PPP4R1: variants seen among roughly 807,000 people sequenced by gnomAD.
PPP4R1 encodes serine/threonine-protein phosphatase 4 regulatory subunit 1.
A neutral mutation model predicts 111.2 loss-of-function variants in PPP4R1; 42 were observed. The ratio of observed to expected loss-of-function variants is 0.38; its 90% CI spans 0.29 to 0.49. The LOEUF is 0.49. PPP4R1 is among the 20% of genes least tolerant of loss of function. The pLI, the probability that PPP4R1 is intolerant of heterozygous loss-of-function variation, is 0.97. For missense variants in PPP4R1, 1,012 were observed against 1,161.6 expected (o/e 0.87, Z 1.87); for synonymous variants, 409 against 405.5 (o/e 1.01, Z -0.10).
chr18:9,555,509 A>G (rs2066558331), intron 15 of PPP4R1, among the ~76,000 whole-genome samples: 1 of 152,204 alleles, frequency 6.6e-6, no homozygotes, highest in Admixed American at 6.5e-5. Context: ...CACAAAAGGT[A>G]AAAGGTCATT....
chr18:9,573,095 T>C (rs1445395960), intron 10 of PPP4R1, among the ~76,000 whole-genome samples: 3 of 152,230 alleles, frequency 2.0e-5, no homozygotes, highest in Non-Finnish European at 4.4e-5. Flanking sequence ...AGTGCTGTTA[T>C]GCAAAATAAA....
At chr18:9,569,808 AGGCAC>A (rs2066829977) in intron 11 of PPP4R1, among the ~76,000 whole-genome samples, 1 of 152,088 alleles carries the variant, frequency 6.6e-6, no homozygotes, top group African/African-American at 2.4e-5. Flanking sequence ...ATTTGAACTT[AGGCAC>A]AATTACAGCT....
rs1568099354 is a variant in PPP4R1 at position 9,570,139 on chromosome 18, C to G, written c.1573+18G>C. ...TTTTAATCAATTTCAGAATAAATAA[C>G]TTGATTGACTTCCATACCTTTAACA... On this transcript the variant is annotated intron_variant, in intron 11 of 19. Coordinates refer to ENST00000400556, the MANE Select transcript of PPP4R1 (RefSeq NM_001042388.3). 2.7e-6 allele frequency: 4 copies of G among 1,477,860 alleles called. No individual in the cohort carries two copies. Among genetic ancestry groups the G allele is most frequent in the Non-Finnish European group, 3.6e-6 (4 of 1,113,602 alleles). 91.5% of individuals were successfully genotyped at this position (1,477,860 alleles called of 1,614,324 possible).
In PPP4R1 at chr18:9,574,697, A is replaced by G. The variant is rs144090229; in HGVS notation, c.1046+2367T>C. Among the ~76,000 whole-genome samples the G allele has an allele frequency of 3.4e-3, 520 of 152,330 alleles. 1 individual carries two copies. The highest frequency in any genetic ancestry group is 4.7e-3 in the Non-Finnish European group (323 of 68,036). ...GGAGGCTACTGGATGATAGATGCCAATATGTAGCCAAAAGGATAGGATTAA... is the reference window on the plus strand; with the variant it reads ...GGAGGCTACTGGATGATAGATGCCAGTATGTAGCCAAAAGGATAGGATTAA... On this transcript the variant is annotated intron_variant, in intron 10 of 19. Transcript: ENST00000400556.
At chr18:9,559,891 A>C (rs1032473953) in intron 13 of PPP4R1, among the ~76,000 whole-genome samples, 19 of 152,364 alleles carry the variant, frequency 1.2e-4, no homozygotes, top group African/African-American at 4.3e-4. Flanking sequence ...AAGACATATT[A>C]AAATAACACC....
At chr18:9,608,235 A>G (rs1395284325) in intron 2 of PPP4R1, among the ~76,000 whole-genome samples, 1 of 152,256 alleles carries the variant, frequency 6.6e-6, no homozygotes, top group Non-Finnish European at 1.5e-5. Context: ...AAATCCATCA[A>G]CATTTTAAAG....
At chr18:9,562,173 T>A in intron 12 of PPP4R1, 98 bp from the exon 13 acceptor site, 1 of 823,572 alleles carries the variant, frequency 1.2e-6, no homozygotes, top group Non-Finnish European at 1.9e-6. Flanking sequence ...CTGCCAAAAG[T>A]AATAAACATA....
chr18:9,556,759 C>T (rs927880040), intron 15 of PPP4R1, among the ~76,000 whole-genome samples: 14 of 152,186 alleles, frequency 9.2e-5, no homozygotes, highest in African/African-American at 3.4e-4. Flanking sequence ...GGGGTTTGAA[C>T]TGCATGGGTC....
chr18:9,562,503 T>TAACAAC (rs569188623), intron 12 of PPP4R1, among the ~76,000 whole-genome samples: 5 of 152,202 alleles, frequency 3.3e-5, no homozygotes, highest in Admixed American at 1.3e-4. Flanking sequence ...CCAAAAACAG[T>TAACAAC]AACAACAACA....
intron 8 of PPP4R1, among the ~76,000 whole-genome samples, chr18:9,583,881 AATGT>A (rs2145192756): frequency 6.6e-6 from 1 of 152,174 alleles, no homozygotes; most frequent in South Asian, 2.1e-4. Context: ...AACGGACAGA[AATGT>A]ATTATTTCAC....
chr18:9,562,004 A>T lies in PPP4R1; in HGVS notation c.1818T>A (p.Asp606Glu). ...DLSNNSSFSP[D>E]EERRTKVQDV... ...CTTGTACTTTAGTTCTCCTTTCCTCATCAGGGCTAAAACTGCTATTGTTGC... is the reference window on the plus strand; with the variant it reads ...CTTGTACTTTAGTTCTCCTTTCCTCTTCAGGGCTAAAACTGCTATTGTTGC... Residue 606 changes from aspartate (D) to glutamate (E), a missense_variant, in exon 13 of 20, where the codon GAT becomes GAA. Transcript: ENST00000400556. The T allele has an allele frequency of 1.2e-6, 2 of 1,612,412 alleles. No individual in the cohort carries two copies. Among genetic ancestry groups the T allele is most frequent in the Non-Finnish European group, 1.7e-6 (2 of 1,178,548 alleles).
chr18:9,557,046 G>A (rs1380833691), intron 15 of PPP4R1, 175 bp downstream of exon 15: 1 of 541,040 alleles, frequency 1.8e-6, no homozygotes, highest in Non-Finnish European at 3.1e-6. Context: ...TGTTTTAAAA[G>A]TGAGAGTATA....
intron 9 of PPP4R1, among the ~76,000 whole-genome samples, chr18:9,582,646 A>G (rs1360946132): frequency 6.6e-6 from 1 of 152,198 alleles, no homozygotes; most frequent in Non-Finnish European, 1.5e-5. Context: ...CAAAAACAGT[A>G]GAGGAGGGAA....
At position 9,550,121 on chromosome 18, in the gene PPP4R1, A is replaced by G. The variant is rs776608409; in HGVS notation, c.2478T>C (p.Asn826=). 3.5e-5 allele frequency: 57 copies of G among 1,613,284 alleles called. No individual in the cohort carries two copies. The highest frequency in any genetic ancestry group is 4.6e-5 in the Non-Finnish European group (54 of 1,179,308). The part of the protein sequence containing the change: ...TPPTFGVDLI[N]ELVENFGRCP... ...ATCTGCCAAAGTTCTCCACAAGCTC[A>G]TTGATGAGGTCCACTCCGAACGTTG... The change falls in exon 18 of 20, where the codon AAT becomes AAC. Residue 826 remains asparagine (N), a synonymous_variant. Coordinates refer to ENST00000400556, the MANE Select transcript of PPP4R1 (RefSeq NM_001042388.3).
At chr18:9,555,549 C>G (rs780531180) in intron 15 of PPP4R1, among the ~76,000 whole-genome samples, 1 of 152,096 alleles carries the variant, frequency 6.6e-6, no homozygotes, top group Non-Finnish European at 1.5e-5. Context: ...CTTCTCGTCA[C>G]CAATGATGGG....
intron 16 of PPP4R1, among the ~76,000 whole-genome samples, chr18:9,552,209 G>A (rs1393022405): frequency 6.6e-6 from 1 of 152,146 alleles, no homozygotes; most frequent in Non-Finnish European, 1.5e-5. Context: ...CACAACTTAA[G>A]ATAATCCAAT....
intron 8 of PPP4R1, among the ~76,000 whole-genome samples, chr18:9,583,534 T>C (rs947272827): frequency 5.3e-5 from 8 of 151,568 alleles, no homozygotes; most frequent in Admixed American, 2.6e-4. Flanking sequence ...GCCCAGCTAA[T>C]TTTTGTATTT....
At chr18:9,616,907 A>G (rs1481131613), upstream of PPP4R1, among the ~76,000 whole-genome samples, 1 of 152,254 alleles carries the variant, frequency 6.6e-6, no homozygotes, top group African/African-American at 2.4e-5. Flanking sequence ...GCTGAATTAC[A>G]CATTGCAAGA....
chr18:9,594,993 T>C, intron 3 of PPP4R1, 25 bp downstream of exon 3: 7 of 1,606,718 alleles, frequency 4.4e-6, no homozygotes, highest in Non-Finnish European at 6.0e-6. Flanking sequence ...CCACTTCCAC[T>C]TTAACAAAAA....
Sources: allele counts gnomAD v4.1 joint callset (sites outside exome capture counted in the v4.1 genomes callset), GRCh38; gene constraint gnomAD v4.1.1; transcripts MANE v1.5; gene names NCBI Gene and HGNC (gene_info 2026-07-23, HGNC 2026-07-21).